CNTNAP2: variants seen among roughly 807,000 people sequenced by gnomAD.
CNTNAP2 encodes the protein contactin-associated protein-like 2.
In CNTNAP2, 98 loss-of-function variants were observed where a neutral mutation model predicts 155.2. The ratio of observed to expected loss-of-function variants is 0.63; its 90% CI spans 0.54 to 0.75. The LOEUF (loss-of-function observed/expected upper bound fraction) is 0.75, where lower values mean the gene tolerates loss of function less well. CNTNAP2 is among the 30% of genes least tolerant of loss of function. The pLI, the probability that CNTNAP2 is intolerant of heterozygous loss-of-function variation, is 0.00. For synonymous variants in CNTNAP2, 651 were observed against 631.2 expected (o/e 1.03, Z -0.47); for missense variants, 1,727 against 1,688.1 (o/e 1.02, Z -0.40).
chr7:148,369,615 G>C (rs1433522447), intron 21 of CNTNAP2, among the ~76,000 whole-genome samples: 1 of 150,626 alleles, frequency 6.6e-6, no homozygotes, highest in Non-Finnish European at 1.5e-5. Context: ...CAGGAAATGG[G>C]TTTGTGAGAA....
At chr7:147,719,905 G>A (rs1796539237) in intron 13 of CNTNAP2, among the ~76,000 whole-genome samples, 1 of 151,964 alleles carries the variant, frequency 6.6e-6, no homozygotes, top group Admixed American at 6.6e-5. Flanking sequence ...TGTGATTGAA[G>A]ATTTCCTACT....
At chr7:146,617,279 T>TTTTG (rs1799242216) in intron 1 of CNTNAP2, among the ~76,000 whole-genome samples, 1 of 152,226 alleles carries the variant, frequency 6.6e-6, no homozygotes, top group Admixed American at 6.5e-5. Context: ...AATCTCCAAA[T>TTTTG]TCCACTACCT....
intron 21 of CNTNAP2, among the ~76,000 whole-genome samples, chr7:148,314,397 C>G (rs1283706705): frequency 6.6e-6 from 1 of 152,122 alleles, no homozygotes; most frequent in Non-Finnish European, 1.5e-5. Flanking sequence ...GAACCACTGT[C>G]AAGTTTGTAC....
At chr7:147,872,286 T>G (rs1799339832) in intron 13 of CNTNAP2, among the ~76,000 whole-genome samples, 1 of 152,242 alleles carries the variant, frequency 6.6e-6, no homozygotes, top group Non-Finnish European at 1.5e-5. Context: ...TTTTTAGCAG[T>G]TGATTATATT....
At chr7:147,666,655 G>C (rs1795701377) in intron 13 of CNTNAP2, among the ~76,000 whole-genome samples, 1 of 152,140 alleles carries the variant, frequency 6.6e-6, no homozygotes, top group Non-Finnish European at 1.5e-5. Context: ...TCTCTTGACT[G>C]TATCATGTTC....
intron 13 of CNTNAP2, among the ~76,000 whole-genome samples, chr7:147,639,970 G>A (rs1339513318): frequency 3.3e-5 from 5 of 152,134 alleles, no homozygotes; most frequent in Non-Finnish European, 7.4e-5. Context: ...CAGTAAATTC[G>A]AGATGTTGTC....
At chr7:147,412,222 G>C (rs1025195782) in intron 10 of CNTNAP2, among the ~76,000 whole-genome samples, 1 of 152,116 alleles carries the variant, frequency 6.6e-6, no homozygotes, top group East Asian at 1.9e-4. Context: ...TCTGGCCTTT[G>C]TCTTCCTTTG....
intron 1 of CNTNAP2, among the ~76,000 whole-genome samples, chr7:146,209,550 C>T: frequency 6.6e-6 from 1 of 152,130 alleles, no homozygotes; most frequent in East Asian, 1.9e-4. Flanking sequence ...TTTGAGTTCA[C>T]AAGACTAATA....
intron 1 of CNTNAP2, among the ~76,000 whole-genome samples, chr7:146,483,713 A>C (rs897543791): frequency 3.3e-5 from 5 of 152,002 alleles, no homozygotes; most frequent in Non-Finnish European, 7.4e-5. Flanking sequence ...AATAGAAAAA[A>C]ATTATAAAAT....
At chr7:146,822,888 T>C (rs1803317969) in intron 2 of CNTNAP2, among the ~76,000 whole-genome samples, 1 of 148,348 alleles carries the variant, frequency 6.7e-6, no homozygotes, top group South Asian at 2.1e-4. Flanking sequence ...CTTCAGCATA[T>C]TTACATGGAA....
chr7:147,874,926 C>G (rs1184078033), intron 13 of CNTNAP2, among the ~76,000 whole-genome samples: 1 of 152,174 alleles, frequency 6.6e-6, no homozygotes, highest in Non-Finnish European at 1.5e-5. Flanking sequence ...TCAAGAGTGA[C>G]CTTTCCTCCA....
chr7:146,574,029 A>G (rs903345564), intron 1 of CNTNAP2, among the ~76,000 whole-genome samples: 18 of 152,194 alleles, frequency 1.2e-4, no homozygotes, highest in African/African-American at 3.9e-4. Context: ...TTAACAAGAA[A>G]TAGAGGCTCA....
intron 15 of CNTNAP2, among the ~76,000 whole-genome samples, chr7:148,113,717 G>A (rs1220464260): frequency 1.3e-5 from 2 of 152,186 alleles, no homozygotes; most frequent in Admixed American, 6.5e-5. Context: ...CTTGCCACAC[G>A]TGATGAGCCC....
At chr7:146,696,327 T>G (rs1051118021) in intron 1 of CNTNAP2, among the ~76,000 whole-genome samples, 5 of 152,202 alleles carry the variant, frequency 3.3e-5, no homozygotes, top group African/African-American at 1.2e-4. Context: ...TTGTTTAAAA[T>G]GCTTACGCCT....
At chr7:146,282,040 A>G (rs1228492831) in intron 1 of CNTNAP2, among the ~76,000 whole-genome samples, 1 of 152,158 alleles carries the variant, frequency 6.6e-6, no homozygotes, top group Non-Finnish European at 1.5e-5. Context: ...TCAAAAAGTA[A>G]AGGAAGAGGA....
intron 13 of CNTNAP2, among the ~76,000 whole-genome samples, chr7:147,682,384 G>C (rs1298506994): frequency 6.6e-6 from 1 of 151,904 alleles, no homozygotes; most frequent in African/African-American, 2.4e-5. Context: ...GGGAATAACA[G>C]ATTGATGAGC....
At chr7:146,739,577 A>T (rs566549345) in intron 1 of CNTNAP2, among the ~76,000 whole-genome samples, 49 of 152,064 alleles carry the variant, frequency 3.2e-4, no homozygotes, top group African/African-American at 1.1e-3. Flanking sequence ...CTACCATATG[A>T]TCTATTTTAG....
intron 3 of CNTNAP2, among the ~76,000 whole-genome samples, chr7:147,009,177 T>C (rs1004845832): frequency 2.0e-5 from 3 of 152,154 alleles, no homozygotes; most frequent in Non-Finnish European, 4.4e-5. Flanking sequence ...TACCTATCTG[T>C]CTTTACTTTG....
chr7:147,347,456 G>T (rs1211892436), intron 9 of CNTNAP2, among the ~76,000 whole-genome samples: 1 of 46,294 alleles, frequency 2.2e-5, no homozygotes, highest in Non-Finnish European at 4.6e-5. Context: ...ATATATATAT[G>T]CATATATATA....
Sources: allele counts gnomAD v4.1 joint callset (sites outside exome capture counted in the v4.1 genomes callset), GRCh38; gene constraint gnomAD v4.1.1; transcripts MANE v1.5; gene names NCBI Gene and HGNC (gene_info 2026-07-23, HGNC 2026-07-21).